Variants in DLG5 observed in about 807,000 individuals in gnomAD.
DLG5 encodes discs large MAGUK scaffold protein 5, also known as disks large homolog 5.
Under a neutral mutation model 189.8 loss-of-function variants are expected in DLG5, and 48 were observed. The ratio of observed to expected loss-of-function variants is 0.25; its 90% CI spans 0.20 to 0.32. The LOEUF is 0.32. Among genes scored for constraint, DLG5 ranks in the 10% least tolerant of loss-of-function variants. The pLI is 1.00. For synonymous variants in DLG5, 1,016 were observed against 1,054.1 expected (o/e 0.96, Z 0.70); for missense variants, 2,160 against 2,544.7 (o/e 0.85, Z 3.25).
chr10:77,915,365 C>T (rs1846330791), intron 1 of DLG5, among the ~76,000 whole-genome samples: 2 of 151,852 alleles, frequency 1.3e-5, no homozygotes, highest in Admixed American at 6.6e-5. Context: ...TGTTTTGGTA[C>T]TCTGAATGAG....
intron 1 of DLG5, among the ~76,000 whole-genome samples, chr10:77,873,735 T>A (rs1235336124): frequency 6.6e-6 from 1 of 152,068 alleles, no homozygotes; most frequent in Non-Finnish European, 1.5e-5. Context: ...AGGAACTTGT[T>A]CCAGCCTTGA....
chr10:77,824,495 C>T lies in DLG5; in HGVS notation c.2290-19G>A, dbSNP rs576413575. ...CATTGATCTAGAGCAGGACAGAGAGCATGTCAGGCCACAGGCAGAGCGGCC... is the reference window on the plus strand; with the variant it reads ...CATTGATCTAGAGCAGGACAGAGAGTATGTCAGGCCACAGGCAGAGCGGCC... On this transcript the variant is annotated intron_variant, in intron 13 of 31. Coordinates refer to ENST00000372391, the MANE Select transcript of DLG5 (RefSeq NM_004747.4). The T allele has an allele frequency of 1.7e-5, 28 of 1,602,766 alleles. No individual in the cohort carries two copies. The highest frequency in any genetic ancestry group is 1.7e-4 in the Middle Eastern group (1 of 6,030).
intron 5 of DLG5, among the ~76,000 whole-genome samples, chr10:77,845,991 TC>T (rs1183358277): frequency 7.3e-6 from 1 of 136,690 alleles, no homozygotes; most frequent in African/African-American, 2.7e-5. Flanking sequence ...ATGCCTGTAA[TC>T]CCAGCACTTT....
intron 1 of DLG5, among the ~76,000 whole-genome samples, chr10:77,900,109 G>A (rs978192400): frequency 1.4e-4 from 21 of 152,102 alleles, no homozygotes; most frequent in Admixed American, 5.9e-4. Flanking sequence ...TCTAAAATTC[G>A]TCTTATTGCT....
chr10:77,924,501 T>C (rs1010380267), intron 1 of DLG5, among the ~76,000 whole-genome samples: 9 of 152,210 alleles, frequency 5.9e-5, no homozygotes, highest in Non-Finnish European at 1.0e-4. Context: ...TTCCAGTCTG[T>C]ACTAAGTTCT....
intron 1 of DLG5, among the ~76,000 whole-genome samples, chr10:77,882,621 A>G (rs1845314540): frequency 6.6e-6 from 1 of 152,080 alleles, no homozygotes; most frequent in African/African-American, 2.4e-5. Flanking sequence ...AGGAATTAAA[A>G]CGCAAGAAGG....
At chr10:77,902,804 G>C (rs1845964683) in intron 1 of DLG5, among the ~76,000 whole-genome samples, 1 of 152,008 alleles carries the variant, frequency 6.6e-6, no homozygotes, top group Non-Finnish European at 1.5e-5. Context: ...AGCTTGCAGT[G>C]AGCCGAGATC....
upstream of DLG5, among the ~76,000 whole-genome samples, chr10:77,930,409 G>A (rs145469925): frequency 8.5e-4 from 126 of 147,930 alleles, 1 homozygote; most frequent in East Asian, 0.022. Context: ...GTGCAGTGGC[G>A]TGATTTTGGC....
upstream of DLG5, chr10:77,929,306 T>G (rs983526607): frequency 1.3e-5 from 2 of 152,136 alleles, no homozygotes; most frequent in Non-Finnish European, 2.9e-5. Context: ...TCTCCCAAAG[T>G]TCTGGAATTA....
chr10:77,806,078 A>G, intron 26 of DLG5: 1 of 498,566 alleles, frequency 2.0e-6, no homozygotes, highest in Non-Finnish European at 3.5e-6. Context: ...AAGCTCTCAG[A>G]GCAGGCGATT....
At position 77,894,543 on chromosome 10, in the gene DLG5, CTTTTTTTTTTT is replaced by C. The variant is rs35379334; in HGVS notation, c.305-25357_305-25347del. Among the ~76,000 whole-genome samples the C allele has an allele frequency of 5.2e-5, 5 of 95,928 alleles. No individual in the cohort carries two copies. The East Asian group carries it at 1.6e-3, about 30-fold the overall frequency. 62.9% of individuals were successfully genotyped at this position (95,928 alleles called of 152,430 possible). On this transcript the variant is annotated intron_variant, in intron 1 of 31. Coordinates refer to ENST00000372391, the MANE Select transcript of DLG5 (RefSeq NM_004747.4). Reference sequence around the variant, plus strand: ...GCTTTATTGTCAGCAAAGAATAAAGCTTTTTTTTTTTTTTTTTTTTTGATGGGGTAGGAAGA... The same window carrying C: ...GCTTTATTGTCAGCAAAGAATAAAGCTTTTTTTTTTGATGGGGTAGGAAGA...
chr10:77,820,554 C>T (rs564416689), intron 15 of DLG5: 82 of 168,546 alleles, frequency 4.9e-4, no homozygotes, highest in Non-Finnish European at 9.3e-4. Flanking sequence ...ACAGAGATCA[C>T]GTAAAAGGTG....
chr10:77,927,140 TCCG>T (rs1846728072), upstream of DLG5: 1 of 155,768 alleles, frequency 6.4e-6, no homozygotes, highest in African/African-American at 2.4e-5. Flanking sequence ...AGGCCGTCCC[TCCG>T]GGAGGCGGCA....
intron 11 of DLG5, among the ~76,000 whole-genome samples, chr10:77,829,741 A>G (rs2154575909): frequency 6.6e-6 from 1 of 152,338 alleles, no homozygotes; most frequent in Non-Finnish European, 1.5e-5. Context: ...ACCACTTACT[A>G]GTTGTATGAC....
At chr10:77,865,383 CT>C (rs964793513) in intron 2 of DLG5, among the ~76,000 whole-genome samples, 1 of 152,168 alleles carries the variant, frequency 6.6e-6, no homozygotes, top group East Asian at 1.9e-4. Context: ...CCACCTTCCC[CT>C]GTCAACCAGA....
Position 77,868,586 on chromosome 10 carries a change from T to C in DLG5, c.373+543A>G, listed in dbSNP as rs1428829857. 2.5e-5 allele frequency: 6 copies of C among 238,668 alleles called. 1 individual carries two copies. In the Admixed American group the frequency reaches 3.1e-4, roughly 12 times the overall value. The allele number at this position is 238,668 out of a possible 1,614,324, so 14.8% of individuals were successfully genotyped here. A position where few individuals can be genotyped will look rare whatever the true frequency, so the allele number is the denominator to read the frequency against. On this transcript the variant is annotated intron_variant, in intron 2 of 31. Coordinates refer to ENST00000372391, the MANE Select transcript of DLG5 (RefSeq NM_004747.4). ...GGTGTCTGCATCCATCATGGTCAGATCAGGCCATGAGAAACCCCACTAGAG... is the reference window on the plus strand; with the variant it reads ...GGTGTCTGCATCCATCATGGTCAGACCAGGCCATGAGAAACCCCACTAGAG...
chr10:77,922,470 T>C (rs1846563606), intron 1 of DLG5, among the ~76,000 whole-genome samples: 1 of 152,180 alleles, frequency 6.6e-6, no homozygotes, highest in East Asian at 1.9e-4. Context: ...TGTTCGCTTG[T>C]TCCCCGCAGA....
At chr10:77,845,553 T>A (rs950921888) in intron 5 of DLG5, 2 of 151,196 alleles carry the variant, frequency 1.3e-5, no homozygotes, top group Non-Finnish European at 2.9e-5. Flanking sequence ...TCTAGGACTG[T>A]AGACTCTTAA....
chr10:77,887,319 C>T (rs1008414098), intron 1 of DLG5, among the ~76,000 whole-genome samples: 20 of 152,196 alleles, frequency 1.3e-4, no homozygotes, highest in African/African-American at 4.6e-4. Flanking sequence ...GTCCTCTCTG[C>T]CATCCGTCCT....
Sources: allele counts gnomAD v4.1 joint callset (sites outside exome capture counted in the v4.1 genomes callset), GRCh38; gene constraint gnomAD v4.1.1; transcripts MANE v1.5; gene names NCBI Gene and HGNC (gene_info 2026-07-23, HGNC 2026-07-21).